The following TMEM178B variants were observed in gnomAD, a reference collection of about 807,000 sequenced individuals.
TMEM178B encodes transmembrane protein 178B.
A neutral mutation model predicts 31.0 loss-of-function variants in TMEM178B; 5 were observed. The observed-to-expected ratio is 0.16, with a 90% CI of 0.08 to 0.34. The LOEUF (loss-of-function observed/expected upper bound fraction) is 0.34. Ranked by LOEUF, TMEM178B falls within the 10% of genes least tolerant of loss-of-function variation. TMEM178B has a pLI of 1.00. For synonymous variants in TMEM178B, 164 were observed against 164.0 expected (o/e 1.00, Z 0.00); for missense variants, 275 against 400.3 (o/e 0.69, Z 2.67).
chr7:141,498,557 A>G, the TMEM178B span, among the ~76,000 whole-genome samples: 3 of 152,258 alleles, frequency 2.0e-5, no homozygotes, highest in African/African-American at 7.2e-5. Flanking sequence ...CTTCAAGTCA[A>G]CTAGGGAAAA....
intron 2 of TMEM178B, among the ~76,000 whole-genome samples, chr7:141,248,037 CT>C (rs35841012): frequency 0.48 from 71,292 of 148,410 alleles, 17,338 homozygotes; most frequent in East Asian, 0.79. Context: ...TCCCCTTTCT[CT>C]TTTTTTTTTT....
At chr7:141,154,034 C>T (rs976374112) in intron 1 of TMEM178B, among the ~76,000 whole-genome samples, 4 of 152,142 alleles carry the variant, frequency 2.6e-5, no homozygotes, top group African/African-American at 9.7e-5. Context: ...CTGTTCTGTA[C>T]CTGACACTTT....
At chr7:141,207,559 C>T (rs567721260) in intron 1 of TMEM178B, among the ~76,000 whole-genome samples, 4 of 152,310 alleles carry the variant, frequency 2.6e-5, no homozygotes, top group African/African-American at 9.6e-5. Flanking sequence ...GGCATCTTTT[C>T]CTGTTGGTCA....
intron 2 of TMEM178B, among the ~76,000 whole-genome samples, chr7:141,280,661 A>G (rs1294239580): frequency 6.6e-6 from 1 of 152,226 alleles, no homozygotes; most frequent in Admixed American, 6.5e-5. Flanking sequence ...AGCACCACTA[A>G]CAAAACTCCA....
In TMEM178B at chr7:141,277,366, T is replaced by A. The variant is rs189132804; in HGVS notation, c.496+64662T>A. ...AAACAAAGATACACATACATTAGCC[T>A]AGGCCTGCATAGGGTTGGGATCATC... On this transcript the variant is annotated intron_variant, in intron 2 of 3. Transcript: ENST00000565468. Among the ~76,000 whole-genome samples the A allele has an allele frequency of 1.6e-3, 244 of 152,296 alleles. 2 individuals are homozygous for A. The highest frequency in any genetic ancestry group is 4.1e-4 in the Non-Finnish European group (28 of 68,028).
intron 2 of TMEM178B, among the ~76,000 whole-genome samples, chr7:141,301,820 G>A (rs1358447671): frequency 2.6e-5 from 4 of 152,166 alleles, no homozygotes; most frequent in Non-Finnish European, 5.9e-5. Flanking sequence ...AGGGAGCCCC[G>A]GGGGGCCCTC....
chr7:141,505,495 A>T, the TMEM178B span, among the ~76,000 whole-genome samples: 1 of 152,140 alleles, frequency 6.6e-6, no homozygotes, highest in African/African-American at 2.4e-5. Flanking sequence ...TCTGGAGGCT[A>T]GTTTTTGCCC....
At position 141,074,673 on chromosome 7, in the gene TMEM178B, C is replaced by T. The variant is rs1168487885; in HGVS notation, c.363C>T (p.Ile121=). Residue 121 remains isoleucine (I), a synonymous_variant, in exon 1 of 4, where the codon ATC becomes ATT. Transcript: ENST00000565468. This position sits in a 1 kb window ranked among gnomAD's most constrained non-coding sequence, Gnocchi z 5.1. The part of the protein sequence containing the change: ...KCHRQGFDPE[I]AALIRKGEIE... The stretch of plus-strand genomic sequence containing the variant: ...ACCGGCAGGGCTTCGACCCCGAGAT[C>T]GCCGCCCTCATTCGGAAAGGTAAGC... 2.0e-6 allele frequency: 3 copies of T among 1,507,858 alleles called. No homozygotes were observed. Among genetic ancestry groups the T allele is most frequent in the East Asian group, 2.5e-5 (1 of 40,434 alleles). The allele number at this position is 1,507,858 out of a possible 1,614,324, so 93.4% of individuals were successfully genotyped here. A position where few individuals can be genotyped will look rare whatever the true frequency, so the allele number is the denominator to read the frequency against.
chr7:141,333,000 T>A (rs1050665693), intron 2 of TMEM178B, among the ~76,000 whole-genome samples: 5 of 152,206 alleles, frequency 3.3e-5, no homozygotes, highest in East Asian at 1.9e-4. Flanking sequence ...CCATTTGGAA[T>A]CCACCATTTT....
chr7:141,452,857 A>G (rs1801892122), intron 3 of TMEM178B, among the ~76,000 whole-genome samples: 2 of 152,218 alleles, frequency 1.3e-5, no homozygotes, highest in African/African-American at 4.8e-5. Flanking sequence ...CTCTGGTGAA[A>G]AAATACATTG....
intron 1 of TMEM178B, among the ~76,000 whole-genome samples, chr7:141,199,299 T>C (rs905577370): frequency 3.3e-5 from 5 of 152,196 alleles, no homozygotes; most frequent in African/African-American, 1.2e-4. Flanking sequence ...ATGTTATAGG[T>C]TGCTGCAAAA....
rs145213075 is a variant in TMEM178B, at chr7:141,137,198, A to G, written c.382+62506A>G. Among the ~76,000 whole-genome samples, 1,167 of 152,310 alleles carry G rather than the reference A, an allele frequency of 7.7e-3. 21 individuals are homozygous for G. The highest frequency in any genetic ancestry group is 0.026 in the African/African-American group (1,093 of 41,560). On this transcript the variant is annotated intron_variant, in intron 1 of 3. Transcript: ENST00000565468. ...AATAGAACTACTATATGATCCAGCA[A>G]TCCAACTACTGGGTATTTATTCAAA... is the stretch of plus-strand genomic sequence containing the variant.
Position 141,117,810 on chromosome 7 carries a change from A to T in TMEM178B, c.382+43118A>T, listed in dbSNP as rs1795343423. Reference sequence around the variant, plus strand: ...GTTTTTGTCAGGTTTGTCAAAGATCAGATGGTTGTAGATGTGTGGCGTTTT... The same window carrying T: ...GTTTTTGTCAGGTTTGTCAAAGATCTGATGGTTGTAGATGTGTGGCGTTTT... On this transcript the variant is annotated intron_variant, in intron 1 of 3. Coordinates refer to ENST00000565468, the MANE Select transcript of TMEM178B (RefSeq NM_001195278.2). Among the ~76,000 whole-genome samples, 3 of 152,314 alleles carry T rather than the reference A, an allele frequency of 2.0e-5. No individual in the cohort carries two copies. In the South Asian group the frequency reaches 6.2e-4, roughly 32 times the overall value.
chr7:141,435,192 A>G (rs931472762), intron 2 of TMEM178B, among the ~76,000 whole-genome samples: 1 of 152,266 alleles, frequency 6.6e-6, no homozygotes, highest in Non-Finnish European at 1.5e-5. Context: ...TCATATGCAG[A>G]GGAATGAAAC....
intron 2 of TMEM178B, among the ~76,000 whole-genome samples, chr7:141,405,534 A>G (rs572686099): frequency 6.6e-6 from 1 of 152,376 alleles, no homozygotes; most frequent in Admixed American, 6.5e-5. Context: ...CACATGAACT[A>G]ACTTATATAA....
intron 2 of TMEM178B, among the ~76,000 whole-genome samples, chr7:141,401,695 C>T (rs569240747): frequency 3.3e-5 from 5 of 152,218 alleles, no homozygotes; most frequent in African/African-American, 7.2e-5. Context: ...CATGAGCCAC[C>T]GTGCCCAGCC....
chr7:141,242,142 G>T (rs1481099616), intron 2 of TMEM178B, among the ~76,000 whole-genome samples: 1 of 152,024 alleles, frequency 6.6e-6, no homozygotes, highest in Non-Finnish European at 1.5e-5. Context: ...AATAGAACTG[G>T]TTTATCTTTT....
intron 2 of TMEM178B, among the ~76,000 whole-genome samples, chr7:141,243,387 G>A (rs777151515): frequency 6.6e-6 from 1 of 152,036 alleles, no homozygotes; most frequent in Non-Finnish European, 1.5e-5. Flanking sequence ...GGGGTGGAGC[G>A]CGGTCAGCTC....
intron 1 of TMEM178B, among the ~76,000 whole-genome samples, chr7:141,193,618 C>G (rs1483793479): frequency 6.6e-6 from 1 of 152,328 alleles, no homozygotes; most frequent in East Asian, 1.9e-4. Context: ...CTAGGCCGAG[C>G]CCATTCCTGC....
Sources: allele counts gnomAD v4.1 joint callset (sites outside exome capture counted in the v4.1 genomes callset), GRCh38; gene constraint gnomAD v4.1.1; non-coding constraint Gnocchi (gnomAD v3.1); transcripts MANE v1.5; gene names NCBI Gene and HGNC (gene_info 2026-07-23, HGNC 2026-07-21).